Variants in C4orf51 observed in about 807,000 individuals in gnomAD.
C4orf51 encodes uncharacterized protein C4orf51.
In C4orf51, 25 loss-of-function variants were observed where a neutral mutation model predicts 25.2. The ratio of observed to expected loss-of-function variants is 0.99; its 90% CI spans 0.72 to 1.39. C4orf51 has a LOEUF of 1.39. C4orf51 is among the 40% of genes most tolerant of loss of function. The probability of loss-of-function intolerance (pLI) is 0.00; values close to 1 mark genes in which losing one functional copy is unlikely to be tolerated. For synonymous variants in C4orf51, 100 were observed against 84.5 expected (o/e 1.18, Z -1.01); for missense variants, 252 against 239.6 (o/e 1.05, Z -0.34).
intron 1 of C4orf51, chr4:145,759,641 G>C (rs1734239857): frequency 6.6e-6 from 1 of 151,542 alleles, no homozygotes; most frequent in Non-Finnish European, 1.5e-5. Flanking sequence ...CAAACATACA[G>C]TCTACTCATT....
At chr4:145,709,544 G>A (rs1731021307) in intron 2 of C4orf51, among the ~76,000 whole-genome samples, 1 of 152,228 alleles carries the variant, frequency 6.6e-6, no homozygotes, top group African/African-American at 2.4e-5. Context: ...TGAATTACAG[G>A]GAGTATGTGT....
At chr4:145,737,819 T>A (rs1449192498) in intron 1 of C4orf51, among the ~76,000 whole-genome samples, 4 of 152,254 alleles carry the variant, frequency 2.6e-5, no homozygotes, top group Admixed American at 1.3e-4. Context: ...CTTTTTCACC[T>A]CAATGCTCTG....
intron 3 of C4orf51, among the ~76,000 whole-genome samples, chr4:145,728,302 C>G (rs568180251): frequency 4.6e-5 from 7 of 151,886 alleles, no homozygotes; most frequent in South Asian, 4.2e-4. Context: ...TATATCCTCT[C>G]TAACATTAGC....
chr4:145,739,211 G>A (rs1424535442), intron 1 of C4orf51, among the ~76,000 whole-genome samples: 5 of 152,146 alleles, frequency 3.3e-5, no homozygotes. Flanking sequence ...CACTCATTTA[G>A]TAATATAATT....
chr4:145,694,006 AG>A (rs1729832950), intron 1 of C4orf51, among the ~76,000 whole-genome samples: 1 of 124,602 alleles, frequency 8.0e-6, no homozygotes, highest in Admixed American at 7.9e-5. Flanking sequence ...TGCCGGGCGG[AG>A]GGGCTCCTCA....
At chr4:145,688,143 G>C (rs1027915730) in intron 1 of C4orf51, among the ~76,000 whole-genome samples, 3 of 150,416 alleles carry the variant, frequency 2.0e-5, no homozygotes, top group African/African-American at 4.9e-5. Flanking sequence ...GGAGGCTGAG[G>C]TGAGCCATGA....
At chr4:145,760,949 G>A (rs1041877971) in intron 1 of C4orf51, 101 of 1,232,962 alleles carry the variant, frequency 8.2e-5, no homozygotes, top group Non-Finnish European at 9.6e-5. Flanking sequence ...TCTGAGTTCC[G>A]GTACTTGTCA....
intron 1 of C4orf51, among the ~76,000 whole-genome samples, chr4:145,694,401 G>A (rs371938997): frequency 0.41 from 51,076 of 123,870 alleles, 10,436 homozygotes; most frequent in Admixed American, 0.5. Context: ...CCGGCCAGCC[G>A]CCCCGTCTGG....
intron 1 of C4orf51, among the ~76,000 whole-genome samples, chr4:145,686,363 T>C (rs1305615844): frequency 6.6e-6 from 1 of 152,216 alleles, no homozygotes; most frequent in Non-Finnish European, 1.5e-5. Context: ...ATGTTCTTAC[T>C]TTCACTGAAT....
intron 2 of C4orf51, among the ~76,000 whole-genome samples, chr4:145,722,032 C>T (rs1731768514): frequency 6.6e-6 from 1 of 152,112 alleles, no homozygotes. Context: ...TATAATAGAA[C>T]TGCCTTCTTT....
At chr4:145,716,477 A>G (rs570910356) in intron 2 of C4orf51, among the ~76,000 whole-genome samples, 48 of 152,370 alleles carry the variant, frequency 3.2e-4, no homozygotes, top group African/African-American at 1.0e-3. Flanking sequence ...ACACTATGGA[A>G]GGGAACAGCT....
the C4orf51 span, among the ~76,000 whole-genome samples, chr4:145,789,653 C>CT: frequency 6.6e-6 from 1 of 152,194 alleles, no homozygotes; most frequent in Admixed American, 6.5e-5. Flanking sequence ...CCGAATCTGT[C>CT]TGACTACAAA....
chr4:145,779,389 G>C, the C4orf51 span: 1 of 1,614,146 alleles, frequency 6.2e-7, no homozygotes, highest in Non-Finnish European at 8.5e-7. Flanking sequence ...TGCAGCGAGA[G>C]GTGTCGGGAC....
chr4:145,700,858 G>A (rs373601939), intron 2 of C4orf51, among the ~76,000 whole-genome samples: 158 of 151,898 alleles, frequency 1.0e-3, no homozygotes, highest in East Asian at 0.01. Flanking sequence ...TCTTTTTATC[G>A]CCTCCCCTCC....
chr4:145,687,942 A>G (rs940786017), intron 1 of C4orf51, among the ~76,000 whole-genome samples: 1 of 152,226 alleles, frequency 6.6e-6, no homozygotes, highest in Non-Finnish European at 1.5e-5. Context: ...CTAAATTAAA[A>G]GAGGAAATTA....
intron 2 of C4orf51, among the ~76,000 whole-genome samples, chr4:145,703,401 A>G (rs1243562259): frequency 6.6e-6 from 1 of 151,518 alleles, no homozygotes; most frequent in Non-Finnish European, 1.5e-5. Flanking sequence ...AACTCCCTTC[A>G]CTGACTCTCT....
intron 1 of C4orf51, among the ~76,000 whole-genome samples, chr4:145,740,959 T>C (rs1176851860): frequency 6.6e-6 from 1 of 152,142 alleles, no homozygotes; most frequent in Non-Finnish European, 1.5e-5. Context: ...ATTGGTGAGG[T>C]AGCAGTGAGT....
At chr4:145,683,047 T>C (rs1350926270) in intron 1 of C4orf51, among the ~76,000 whole-genome samples, 1 of 152,072 alleles carries the variant, frequency 6.6e-6, no homozygotes, top group Non-Finnish European at 1.5e-5. Context: ...TAAGCTATTA[T>C]AGCAAGATTG....
At chr4:145,774,568 G>A (rs747970934), downstream of C4orf51, 8 of 1,613,138 alleles carry the variant, frequency 5.0e-6, no homozygotes, top group South Asian at 8.8e-5. Flanking sequence ...GAAGTCGCAG[G>A]CAGTGCAGCA....
Sources: allele counts gnomAD v4.1 joint callset (sites outside exome capture counted in the v4.1 genomes callset), GRCh38; gene constraint gnomAD v4.1.1; transcripts MANE v1.5; gene names NCBI Gene and HGNC (gene_info 2026-07-23, HGNC 2026-07-21).